CNTN5: variants seen among roughly 807,000 people sequenced by gnomAD.
CNTN5 encodes the protein contactin 5, also known as contactin-5.
Under a neutral mutation model 129.1 loss-of-function variants are expected in CNTN5, and 77 were observed. The observed-to-expected ratio is 0.60, with a 90% CI of 0.50 to 0.72. The LOEUF (loss-of-function observed/expected upper bound fraction) is 0.72, where lower values mean the gene tolerates loss of function less well. Among genes scored for constraint, CNTN5 ranks in the 30% least tolerant of loss-of-function variants. The pLI is 0.00. For synonymous variants in CNTN5, 509 were observed against 465.6 expected (o/e 1.09, Z -1.20); for missense variants, 1,478 against 1,328.8 (o/e 1.11, Z -1.75).
At chr11:100,350,913 A>G in intron 24 of CNTN5, 43 bp downstream of exon 24, 1 of 1,455,464 alleles carries the variant, frequency 6.9e-7, no homozygotes, top group Non-Finnish European at 9.3e-7. Context: ...ACAACCAACA[A>G]TTACGAGATG....
chr11:99,227,087 G>C (rs1302340101), intron 1 of CNTN5, among the ~76,000 whole-genome samples: 1 of 152,080 alleles, frequency 6.6e-6, no homozygotes, highest in African/African-American at 2.4e-5. Context: ...GTGGCCACAC[G>C]CAGTGGCTCC....
At chr11:99,845,041 C>T (rs199545900) in intron 5 of CNTN5, 46 bp from the exon 6 acceptor site, 4 of 1,609,624 alleles carry the variant, frequency 2.5e-6, no homozygotes, top group Non-Finnish European at 3.4e-6. Flanking sequence ...TATTCTGACA[C>T]TCTCAGGGAG....
At chr11:99,837,004 A>T (rs1198857429) in intron 4 of CNTN5, among the ~76,000 whole-genome samples, 1 of 151,942 alleles carries the variant, frequency 6.6e-6, no homozygotes, top group Non-Finnish European at 1.5e-5. Context: ...GTTTTGGTGG[A>T]TTTTGGCTGG....
At chr11:99,357,140 A>T (rs140121599) in intron 2 of CNTN5, among the ~76,000 whole-genome samples, 5 of 152,174 alleles carry the variant, frequency 3.3e-5, no homozygotes, top group Non-Finnish European at 7.3e-5. Flanking sequence ...TTGATCAGGG[A>T]TGCTTCGCTG....
At chr11:99,836,306 C>G (rs1246849774) in intron 4 of CNTN5, among the ~76,000 whole-genome samples, 1 of 147,148 alleles carries the variant, frequency 6.8e-6, no homozygotes, top group Admixed American at 6.8e-5. Flanking sequence ...CCCCAACCCC[C>G]GACAGGCCCT....
chr11:99,513,098 G>A (rs930800647), intron 2 of CNTN5, among the ~76,000 whole-genome samples: 1 of 152,092 alleles, frequency 6.6e-6, no homozygotes, highest in Non-Finnish European at 1.5e-5. Context: ...TGATAAAAGA[G>A]AAAAAGCTTT....
intron 3 of CNTN5, among the ~76,000 whole-genome samples, chr11:99,706,725 A>AT (rs576517870): frequency 6.6e-6 from 1 of 150,928 alleles, no homozygotes; most frequent in Non-Finnish European, 1.5e-5. Flanking sequence ...CTATCTTTTA[A>AT]TTTTTTTCTT....
intron 1 of CNTN5, among the ~76,000 whole-genome samples, chr11:99,196,350 T>C (rs937990471): frequency 2.0e-5 from 3 of 151,986 alleles, no homozygotes; most frequent in Admixed American, 2.0e-4. Flanking sequence ...TAAATATTTG[T>C]ATAACTAAAT....
At chr11:99,425,307 C>A (rs1943070042) in intron 2 of CNTN5, among the ~76,000 whole-genome samples, 1 of 152,194 alleles carries the variant, frequency 6.6e-6, no homozygotes. Flanking sequence ...AGGCTTCAGG[C>A]TGTTTTTGTT....
At chr11:99,212,264 G>A (rs1473539454) in intron 1 of CNTN5, among the ~76,000 whole-genome samples, 1 of 152,096 alleles carries the variant, frequency 6.6e-6, no homozygotes, top group African/African-American at 2.4e-5. Flanking sequence ...ATTTCACCGG[G>A]ATGCTTCTTC....
At chr11:99,557,928 A>G (rs1948725465) in intron 3 of CNTN5, among the ~76,000 whole-genome samples, 1 of 151,814 alleles carries the variant, frequency 6.6e-6, no homozygotes, top group Non-Finnish European at 1.5e-5. Context: ...ACTAGTAATT[A>G]AATAACTGAA....
At chr11:100,068,852 A>ATT (rs1943795758) in intron 10 of CNTN5, among the ~76,000 whole-genome samples, 1 of 152,214 alleles carries the variant, frequency 6.6e-6, no homozygotes, top group Non-Finnish European at 1.5e-5. Context: ...GTAAGCTAAT[A>ATT]AAAGCAAAAT....
chr11:100,328,805 A>G (rs577746569), intron 21 of CNTN5, among the ~76,000 whole-genome samples: 1 of 152,360 alleles, frequency 6.6e-6, no homozygotes, highest in South Asian at 2.1e-4. Context: ...GATGGCAGAT[A>G]GGTGGCAGAA....
chr11:99,235,199 A>G (rs1268318044), intron 1 of CNTN5, among the ~76,000 whole-genome samples: 2 of 152,100 alleles, frequency 1.3e-5, no homozygotes, highest in African/African-American at 4.8e-5. Flanking sequence ...GAGATTAGGA[A>G]GCTGAAGATA....
At chr11:99,153,492 T>TG (rs1240760896) in intron 1 of CNTN5, among the ~76,000 whole-genome samples, 1 of 151,914 alleles carries the variant, frequency 6.6e-6, no homozygotes, top group Non-Finnish European at 1.5e-5. Context: ...GATCAGGTTT[T>TG]TTTTTTTTTT....
At chr11:99,183,955 TC>T (rs1242981519) in intron 1 of CNTN5, among the ~76,000 whole-genome samples, 10 of 152,110 alleles carry the variant, frequency 6.6e-5, no homozygotes, top group African/African-American at 2.4e-4. Flanking sequence ...TATTCACATA[TC>T]TAATAGATGA....
intron 2 of CNTN5, among the ~76,000 whole-genome samples, chr11:99,450,526 G>A (rs1944258745): frequency 6.6e-6 from 1 of 152,018 alleles, no homozygotes; most frequent in South Asian, 2.1e-4. Context: ...CATCCTAGTA[G>A]ATTCTATTTC....
At chr11:100,324,455 G>C (rs1022839675) in intron 21 of CNTN5, among the ~76,000 whole-genome samples, 29 of 152,048 alleles carry the variant, frequency 1.9e-4, no homozygotes, top group African/African-American at 6.8e-4. Context: ...TGTTTCTCTG[G>C]CTATAATAAT....
At chr11:99,853,659 C>T (rs745603197) in intron 6 of CNTN5, among the ~76,000 whole-genome samples, 1 of 152,042 alleles carries the variant, frequency 6.6e-6, no homozygotes, top group African/African-American at 2.4e-5. Context: ...GGATTACAGG[C>T]CTGAGCCACT....
Sources: allele counts gnomAD v4.1 joint callset (sites outside exome capture counted in the v4.1 genomes callset), GRCh38; gene constraint gnomAD v4.1.1; transcripts MANE v1.5; gene names NCBI Gene and HGNC (gene_info 2026-07-23, HGNC 2026-07-21).